Variants in COG5 observed in about 807,000 individuals in gnomAD.
The protein encoded by COG5 is conserved oligomeric Golgi complex subunit 5.
COG5 carries 86 observed loss-of-function variants against 110.4 expected under a neutral mutation model. That is an observed-to-expected ratio of 0.78 (90% CI 0.65 to 0.93). The LOEUF (loss-of-function observed/expected upper bound fraction) is 0.93. Among genes scored for constraint, COG5 ranks in the 40% least tolerant of loss-of-function variants. The pLI, the probability that COG5 is intolerant of heterozygous loss-of-function variation, is 0.00. For synonymous variants in COG5, 360 were observed against 334.6 expected (o/e 1.08, Z -0.83); for missense variants, 1,077 against 987.0 (o/e 1.09, Z -1.22).
intron 12 of COG5, among the ~76,000 whole-genome samples, chr7:107,288,961 TA>T (rs1805927038): frequency 8.1e-6 from 1 of 123,270 alleles, no homozygotes; most frequent in Admixed American, 8.5e-5. Flanking sequence ...TATATATATA[TA>T]TTTAAAAATT....
intron 7 of COG5, among the ~76,000 whole-genome samples, chr7:107,376,896 ATTATG>A (rs1439715568): frequency 4.6e-5 from 7 of 152,240 alleles, no homozygotes; most frequent in South Asian, 2.1e-4. Context: ...TACTTGAGAA[ATTATG>A]TTATATTTCT....
At chr7:107,538,006 TC>T (rs1283508806) in intron 5 of COG5, among the ~76,000 whole-genome samples, 1 of 152,172 alleles carries the variant, frequency 6.6e-6, no homozygotes, top group African/African-American at 2.4e-5. Context: ...TCATTTCTTT[TC>T]TGACAAAGAG....
At chr7:107,494,923 G>A (rs528770399) in intron 6 of COG5, among the ~76,000 whole-genome samples, 2 of 152,216 alleles carry the variant, frequency 1.3e-5, no homozygotes, top group South Asian at 2.1e-4. Flanking sequence ...CTGGGGACGA[G>A]GGGTCAGTGG....
At chr7:107,523,908 A>T (rs1293470899) in intron 6 of COG5, among the ~76,000 whole-genome samples, 1 of 152,202 alleles carries the variant, frequency 6.6e-6, no homozygotes, top group Non-Finnish European at 1.5e-5. Flanking sequence ...TACCTACCAT[A>T]TGATCTAGAC....
chr7:107,468,263 C>T (rs1796421108), intron 6 of COG5, among the ~76,000 whole-genome samples: 1 of 152,156 alleles, frequency 6.6e-6, no homozygotes, highest in Non-Finnish European at 1.5e-5. Flanking sequence ...TCTTCTACTT[C>T]ATGGGGATAT....
At chr7:107,289,439 T>TTTCTTC (rs998501154) in intron 12 of COG5, among the ~76,000 whole-genome samples, 7 of 152,122 alleles carry the variant, frequency 4.6e-5, no homozygotes, top group South Asian at 2.1e-4. Flanking sequence ...CTACACTCTT[T>TTTCTTC]TTCTTCTTCT....
At chr7:107,380,064 C>G (rs868309760) in intron 7 of COG5, among the ~76,000 whole-genome samples, 2 of 152,080 alleles carry the variant, frequency 1.3e-5, no homozygotes, top group Non-Finnish European at 2.9e-5. Flanking sequence ...AACGGAAATC[C>G]TAACAGTCTC....
At chr7:107,302,654 C>T (rs902294994) in intron 11 of COG5, among the ~76,000 whole-genome samples, 12 of 152,184 alleles carry the variant, frequency 7.9e-5, no homozygotes, top group African/African-American at 1.2e-4. Flanking sequence ...TGTTCTTTCA[C>T]GGCATGCCAA....
chr7:107,277,414 G>A (rs1804782372), intron 14 of COG5, among the ~76,000 whole-genome samples: 1 of 152,022 alleles, frequency 6.6e-6, no homozygotes, highest in South Asian at 2.1e-4. Flanking sequence ...TAAAAACCAT[G>A]GCTTCAGGCT....
At chr7:107,390,808 A>G (rs763895389) in intron 7 of COG5, among the ~76,000 whole-genome samples, 22 of 150,388 alleles carry the variant, frequency 1.5e-4, no homozygotes, top group Non-Finnish European at 3.1e-4. Flanking sequence ...GTTCCTGCAT[A>G]TATCTGCGCT....
chr7:107,313,882 T>C (rs528332907), intron 11 of COG5, among the ~76,000 whole-genome samples: 5 of 152,284 alleles, frequency 3.3e-5, no homozygotes, highest in Non-Finnish European at 5.9e-5. Flanking sequence ...ATGGAACTCT[T>C]TGGAAGGACT....
chr7:107,290,161 T>C (rs910896689), intron 12 of COG5, among the ~76,000 whole-genome samples: 1 of 152,228 alleles, frequency 6.6e-6, no homozygotes, highest in African/African-American at 2.4e-5. Flanking sequence ...ATGTAACATG[T>C]GGATTCAGTG....
chr7:107,253,365 G>C (rs1466851895), intron 16 of COG5: 1 of 152,002 alleles, frequency 6.6e-6, no homozygotes, highest in Non-Finnish European at 1.5e-5. Flanking sequence ...ATTTTAAAAA[G>C]ATTTACCTAA....
In COG5 at chr7:107,465,399, G is replaced by A. The variant is rs190630242; in HGVS notation, c.539-52767C>T. On this transcript the variant is annotated intron_variant, in intron 6 of 21. Transcript: ENST00000297135. Reference sequence around the variant, plus strand: ...ATTAAATACAAATCTAACAAAATATGTGCAGGATCTGTAGGCCAAGAACTA... The same window carrying A: ...ATTAAATACAAATCTAACAAAATATATGCAGGATCTGTAGGCCAAGAACTA... Among the ~76,000 whole-genome samples, 417 of 152,232 alleles carry A rather than the reference G, an allele frequency of 2.7e-3. 1 individual carries two copies. Among genetic ancestry groups the A allele is most frequent in the African/African-American group, 9.7e-3 (401 of 41,550 alleles).
chr7:107,459,999 AAATTT>A (rs1295746948), intron 6 of COG5, among the ~76,000 whole-genome samples: 11 of 152,218 alleles, frequency 7.2e-5, no homozygotes, highest in Non-Finnish European at 5.9e-5. Context: ...TAACCTAAAC[AAATTT>A]AAAAGAACAG....
chr7:107,204,392 A>G (rs1435956464), intron 21 of COG5, among the ~76,000 whole-genome samples: 2 of 152,174 alleles, frequency 1.3e-5, no homozygotes, highest in Admixed American at 6.5e-5. Context: ...TCTTTTACAG[A>G]AAAAGTTCGT....
intron 11 of COG5, among the ~76,000 whole-genome samples, chr7:107,320,409 T>C (rs950356870): frequency 6.6e-6 from 1 of 152,190 alleles, no homozygotes; most frequent in African/African-American, 2.4e-5. Context: ...CATAGATCAT[T>C]CAAACATCCA....
chr7:107,378,260 T>C (rs1371016533), intron 7 of COG5, among the ~76,000 whole-genome samples: 1 of 151,914 alleles, frequency 6.6e-6, no homozygotes, highest in Non-Finnish European at 1.5e-5. Flanking sequence ...AGAAACCCCA[T>C]CTGAAGGTCA....
chr7:107,238,161 C>G (rs1801345058), intron 17 of COG5, among the ~76,000 whole-genome samples: 1 of 152,144 alleles, frequency 6.6e-6, no homozygotes, highest in Admixed American at 6.5e-5. Context: ...ATTCCCTCCA[C>G]CCCATAGCTG....
Sources: allele counts gnomAD v4.1 joint callset (sites outside exome capture counted in the v4.1 genomes callset), GRCh38; gene constraint gnomAD v4.1.1; transcripts MANE v1.5; gene names NCBI Gene and HGNC (gene_info 2026-07-23, HGNC 2026-07-21).